FAM222B: variants seen among roughly 807,000 people sequenced by gnomAD.
FAM222B encodes family with sequence similarity 222 member B, also known as protein FAM222B.
Under a neutral mutation model 38.0 loss-of-function variants are expected in FAM222B, and 12 were observed. The ratio of observed to expected loss-of-function variants is 0.32; its 90% CI spans 0.20 to 0.51. The LOEUF is 0.51. FAM222B is among the 20% of genes least tolerant of loss of function. FAM222B has a pLI of 0.97. For missense variants in FAM222B, 716 were observed against 754.2 expected (o/e 0.95, Z 0.59); for synonymous variants, 329 against 317.2 (o/e 1.04, Z -0.40).
chr17:28,797,341 A>G (rs555831001), intron 1 of FAM222B, among the ~76,000 whole-genome samples: 2 of 152,126 alleles, frequency 1.3e-5, no homozygotes, highest in African/African-American at 2.4e-5. Flanking sequence ...TCAAATGAGC[A>G]TGTCATAAAA....
intron 1 of FAM222B, among the ~76,000 whole-genome samples, chr17:28,793,434 T>C (rs967470987): frequency 1.3e-5 from 2 of 152,210 alleles, no homozygotes; most frequent in African/African-American, 2.4e-5. Flanking sequence ...TCCAACTTCC[T>C]GAAAAGTACC....
At chr17:28,854,223 G>C (rs2039207265) in intron 1 of FAM222B, among the ~76,000 whole-genome samples, 1 of 152,304 alleles carries the variant, frequency 6.6e-6, no homozygotes, top group Admixed American at 6.5e-5. Flanking sequence ...GATTACAGGC[G>C]TGAGCCACCG....
intron 1 of FAM222B, among the ~76,000 whole-genome samples, chr17:28,818,057 C>T (rs11652710): frequency 0.19 from 28,702 of 151,964 alleles, 2,847 homozygotes; most frequent in South Asian, 0.3. Context: ...AAATCTATTG[C>T]ATGCAGTTTA....
Position 28,758,855 on chromosome 17 carries a change from G to A in FAM222B, c.1104C>T (p.His368=), listed in dbSNP as rs921222922. The A allele has an allele frequency of 6.2e-7, 1 of 1,605,380 alleles. No homozygotes were observed. The highest frequency in any genetic ancestry group is 2.2e-5 in the East Asian group (1 of 44,558). ...ACATCTGCTGTAGGTGGGCCAGCTG[G>A]TGCTGGTTCCAGGTGACTGGCTTGA... The part of the protein sequence containing the change: ...SDLKPVTWNQ[H]QLAHLQQMCS... The change falls in exon 3 of 3, where the codon CAC becomes CAT. Residue 368 remains histidine, a synonymous_variant. Transcript: ENST00000581407.
intron 1 of FAM222B, among the ~76,000 whole-genome samples, chr17:28,850,999 A>G (rs919526663): frequency 2.6e-5 from 4 of 151,752 alleles, no homozygotes; most frequent in Admixed American, 6.6e-5. Flanking sequence ...TGCGCCTGTA[A>G]TCCCACCTAC....
At chr17:28,851,525 CA>C (rs1567915869) in intron 1 of FAM222B, among the ~76,000 whole-genome samples, 1 of 150,884 alleles carries the variant, frequency 6.6e-6, no homozygotes, top group African/African-American at 2.4e-5. Flanking sequence ...CTCAAACGAA[CA>C]AACAAACAAA....
intron 1 of FAM222B, among the ~76,000 whole-genome samples, chr17:28,798,852 C>T (rs574616724): frequency 6.6e-6 from 1 of 152,156 alleles, no homozygotes; most frequent in African/African-American, 2.4e-5. Flanking sequence ...CTCCTGACCT[C>T]GTGATCCACC....
At chr17:28,827,486 G>A (rs1354447723) in intron 1 of FAM222B, among the ~76,000 whole-genome samples, 1 of 152,198 alleles carries the variant, frequency 6.6e-6, no homozygotes, top group African/African-American at 2.4e-5. Context: ...AATAGAATGA[G>A]ATGCTGTCAT....
intron 1 of FAM222B, among the ~76,000 whole-genome samples, chr17:28,800,802 T>A (rs1349067335): frequency 6.7e-6 from 1 of 149,478 alleles, no homozygotes; most frequent in Non-Finnish European, 1.5e-5. Flanking sequence ...GCAAGACAAG[T>A]TAAAACTAAG....
chr17:28,777,040 T>C (rs2035928542), intron 1 of FAM222B: 1 of 152,218 alleles, frequency 6.6e-6, no homozygotes, highest in African/African-American at 2.4e-5. Flanking sequence ...TTTCACTATA[T>C]GACTGACCTG....
chr17:28,803,936 A>G (rs1210429005), intron 1 of FAM222B, among the ~76,000 whole-genome samples: 1 of 151,992 alleles, frequency 6.6e-6, no homozygotes, highest in Non-Finnish European at 1.5e-5. Context: ...AGCCGAGATC[A>G]TGCCACTGCG....
rs796473106 is a variant in FAM222B at position 28,784,916 on chromosome 17, A to AT, written c.-40-18210dup. ...CAGGTGTGAGCCACCATGCCCAGCTATTTTTTTTTTTTTCCTTTATGTAGA... is the reference window on the plus strand; with the variant it reads ...CAGGTGTGAGCCACCATGCCCAGCTATTTTTTTTTTTTTTCCTTTATGTAGA... On this transcript the variant is annotated intron_variant, in intron 1 of 2. Transcript: ENST00000581407. 8.2e-4 allele frequency among the ~76,000 whole-genome samples: 116 copies of AT among 142,170 alleles called. 2 individuals are homozygous for AT. Among genetic ancestry groups the AT allele is most frequent in the African/African-American group, 1.6e-3 (62 of 38,980 alleles). The allele number at this position is 142,170 out of a possible 152,430, so 93.3% of individuals were successfully genotyped here. A position where few individuals can be genotyped will look rare whatever the true frequency, so the allele number is the denominator to read the frequency against.
chr17:28,848,970 G>A (rs1325899144), intron 1 of FAM222B: 3 of 151,634 alleles, frequency 2.0e-5, no homozygotes, highest in Non-Finnish European at 4.4e-5. Flanking sequence ...TGTTAAGTGG[G>A]GGATGACCCG....
chr17:28,805,187 G>A (rs1303468800), intron 1 of FAM222B, among the ~76,000 whole-genome samples: 3 of 152,090 alleles, frequency 2.0e-5, no homozygotes, highest in African/African-American at 4.8e-5. Context: ...GGGAGACCCC[G>A]TCTCTATAAA....
At chr17:28,763,457 A>C (rs1328947442) in intron 2 of FAM222B, among the ~76,000 whole-genome samples, 2 of 152,264 alleles carry the variant, frequency 1.3e-5, no homozygotes, top group South Asian at 2.1e-4. Context: ...TGTAACAGAA[A>C]GCACTGCTGT....
chr17:28,808,198 T>G (rs1318841454), intron 1 of FAM222B, among the ~76,000 whole-genome samples: 1 of 152,212 alleles, frequency 6.6e-6, no homozygotes, highest in African/African-American at 2.4e-5. Context: ...ATTGCCCTAT[T>G]AGTTACAAAA....
At chr17:28,823,360 C>G (rs896393811) in intron 1 of FAM222B, among the ~76,000 whole-genome samples, 1 of 139,548 alleles carries the variant, frequency 7.2e-6, no homozygotes, top group African/African-American at 2.6e-5. Context: ...CCACTCCGTT[C>G]TATTTTTTTT....
At chr17:28,822,452 C>T (rs1431619728) in intron 1 of FAM222B, among the ~76,000 whole-genome samples, 3 of 150,912 alleles carry the variant, frequency 2.0e-5, no homozygotes, top group African/African-American at 7.3e-5. Context: ...GGTGAAACCC[C>T]GTCTCTACTA....
At chr17:28,832,797 G>A (rs1336240147) in intron 1 of FAM222B, among the ~76,000 whole-genome samples, 3 of 152,008 alleles carry the variant, frequency 2.0e-5, no homozygotes, top group Admixed American at 6.6e-5. Context: ...GCAAGAAGGG[G>A]GAGAAGTTGA....
Sources: gnomAD v4.1 joint callset for allele counts (sites outside exome capture counted in the v4.1 genomes callset) on GRCh38, gnomAD v4.1.1 for gene constraint, MANE v1.5 for transcripts, NCBI Gene and HGNC (gene_info 2026-07-23, HGNC 2026-07-21) for gene names.